Variants in PPP6R3 observed in about 807,000 individuals in gnomAD.
PPP6R3 encodes serine/threonine-protein phosphatase 6 regulatory subunit 3.
A neutral mutation model predicts 110.7 loss-of-function variants in PPP6R3; 38 were observed. The ratio of observed to expected loss-of-function variants is 0.34; its 90% CI spans 0.26 to 0.45. The LOEUF is 0.45. Among genes scored for constraint, PPP6R3 ranks in the 20% least tolerant of loss-of-function variants. PPP6R3 has a pLI of 1.00. For missense variants in PPP6R3, 870 were observed against 1,062.4 expected (o/e 0.82, Z 2.52); for synonymous variants, 369 against 373.5 (o/e 0.99, Z 0.14).
At chr11:68,552,583 A>G (rs539764729) in intron 6 of PPP6R3, among the ~76,000 whole-genome samples, 1 of 152,252 alleles carries the variant, frequency 6.6e-6, no homozygotes, top group Non-Finnish European at 1.5e-5. Context: ...GGTGCTCTCA[A>G]CCTAGCTGGG....
chr11:68,493,090 C>T (rs576732555), intron 1 of PPP6R3, among the ~76,000 whole-genome samples: 24 of 152,190 alleles, frequency 1.6e-4, no homozygotes, highest in Admixed American at 4.6e-4. Context: ...TGTTGAGTTC[C>T]GGTGCTTACT....
At chr11:68,583,426 C>CCTTT (rs2099568898) in intron 15 of PPP6R3, among the ~76,000 whole-genome samples, 1 of 152,166 alleles carries the variant, frequency 6.6e-6, no homozygotes, top group Non-Finnish European at 1.5e-5. Flanking sequence ...GTTACACAGA[C>CCTTT]CTTTACAATA....
chr11:68,527,625 G>GT (rs1555108759), intron 2 of PPP6R3, among the ~76,000 whole-genome samples: 1 of 782 alleles, frequency 1.3e-3, no homozygotes, highest in Non-Finnish European at 5.0e-3. Flanking sequence ...GTTCAGAATT[G>GT]TTCTATGTTA....
intron 1 of PPP6R3, among the ~76,000 whole-genome samples, chr11:68,476,321 G>C (rs1015316026): frequency 3.3e-5 from 5 of 152,168 alleles, no homozygotes; most frequent in African/African-American, 1.2e-4. Context: ...AAACCAGTCA[G>C]GCGTGGCGGC....
rs768228824 is a variant in PPP6R3 at position 68,544,879 on chromosome 11, C to G, written c.269C>G (p.Ser90Cys). The G allele has an allele frequency of 1.6e-5, 25 of 1,608,288 alleles. No individual in the cohort carries two copies. The highest frequency in any genetic ancestry group is 2.0e-5 in the Non-Finnish European group (23 of 1,174,816). Residue 90 changes from serine (S) to cysteine (C), a missense_variant, in exon 4 of 24, where the codon TCC (serine) becomes TGC (cysteine). Physicochemically the swap from Ser to Cys is moderately radical, Grantham distance 112. Transcript: ENST00000393800. ...ISCELLTSDV[S>C]QMNDRLGEDE... ...TGTGAGTTGCTCACTTCTGATGTCTCCCAGATGAATGATAGACTGGGAGAA... is the reference window on the plus strand; with the variant it reads ...TGTGAGTTGCTCACTTCTGATGTCTGCCAGATGAATGATAGACTGGGAGAA...
rs111457206 is a variant in PPP6R3 at position 68,511,463 on chromosome 11, A to AGTGTGTGTGTGTGTGTGTGTGTGTGTGT, written c.-157-8033_-157-8006dup. On this transcript the variant is annotated intron_variant, in intron 1 of 23. Transcript: ENST00000393800. Reference sequence around the variant, plus strand: ...CTCTGGAAATGTGTTACTGTGTTAGAGTGTGTGTGTGTGTGTGTGTGTGTG... The same window carrying AGTGTGTGTGTGTGTGTGTGTGTGTGTGT: ...CTCTGGAAATGTGTTACTGTGTTAGAGTGTGTGTGTGTGTGTGTGTGTGTGTGTGTGTGTGTGTGTGTGTGTGTGTGTG... Among the ~76,000 whole-genome samples the AGTGTGTGTGTGTGTGTGTGTGTGTGTGT allele has an allele frequency of 2.0e-3, 271 of 138,596 alleles. 2 individuals carry two copies. Among genetic ancestry groups the AGTGTGTGTGTGTGTGTGTGTGTGTGTGT allele is most frequent in the East Asian group, 4.1e-3 (19 of 4,622 alleles). The allele number at this position is 138,596 out of a possible 152,430, so 90.9% of individuals were successfully genotyped here.
intron 7 of PPP6R3, among the ~76,000 whole-genome samples, chr11:68,558,002 T>C (rs2099406006): frequency 6.6e-6 from 1 of 152,260 alleles, no homozygotes; most frequent in African/African-American, 2.4e-5. Flanking sequence ...TTTAGTCACA[T>C]TTATTTCATT....
At chr11:68,510,406 A>G (rs758489518) in intron 1 of PPP6R3, among the ~76,000 whole-genome samples, 1 of 151,798 alleles carries the variant, frequency 6.6e-6, no homozygotes, top group Non-Finnish European at 1.5e-5. Flanking sequence ...GGCGCGACAC[A>G]GTTTACCGTA....
At chr11:68,589,360 T>G (rs572216130) in intron 16 of PPP6R3, among the ~76,000 whole-genome samples, 1 of 152,168 alleles carries the variant, frequency 6.6e-6, no homozygotes, top group African/African-American at 2.4e-5. Context: ...AAGGTAGATT[T>G]GGGTTTTTTG....
intron 1 of PPP6R3, among the ~76,000 whole-genome samples, chr11:68,468,608 A>G (rs1425351747): frequency 2.0e-5 from 3 of 152,388 alleles, no homozygotes; most frequent in East Asian, 1.9e-4. Context: ...TTATAGGATC[A>G]TAGAGAGGCC....
intron 15 of PPP6R3, among the ~76,000 whole-genome samples, chr11:68,583,431 A>G (rs977682182): frequency 6.6e-6 from 1 of 152,240 alleles, no homozygotes; most frequent in Non-Finnish European, 1.5e-5. Flanking sequence ...ACAGACCTTT[A>G]CAATAGTTGA....
At chr11:68,554,746 G>T (rs938695739) in intron 7 of PPP6R3, among the ~76,000 whole-genome samples, 1 of 152,100 alleles carries the variant, frequency 6.6e-6, no homozygotes, top group Non-Finnish European at 1.5e-5. Context: ...TTTTTAAAAA[G>T]AATGTTTACT....
intron 4 of PPP6R3, among the ~76,000 whole-genome samples, chr11:68,547,346 A>G (rs1251513249): frequency 6.6e-6 from 1 of 152,126 alleles, no homozygotes; most frequent in African/African-American, 2.4e-5. Context: ...TTGGGAATAG[A>G]TGACACGTGC....
chr11:68,610,535 A>G (rs2153975371), intron 23 of PPP6R3, among the ~76,000 whole-genome samples: 1 of 152,360 alleles, frequency 6.6e-6, no homozygotes, highest in South Asian at 2.1e-4. Context: ...AATCTTAAGT[A>G]TGAAATGCCC....
chr11:68,545,273 G>A (rs932848418), intron 4 of PPP6R3, among the ~76,000 whole-genome samples: 1 of 152,210 alleles, frequency 6.6e-6, no homozygotes, highest in Non-Finnish European at 1.5e-5. Flanking sequence ...TGAGAAGTGG[G>A]TAGAAGATGA....
At chr11:68,549,430 T>G (rs1457323185) in intron 5 of PPP6R3, among the ~76,000 whole-genome samples, 1 of 151,960 alleles carries the variant, frequency 6.6e-6, no homozygotes, top group Non-Finnish European at 1.5e-5. Context: ...AGGTGTGCAT[T>G]TATGTGATGG....
At chr11:68,609,836 C>G in intron 22 of PPP6R3, 68 bp from the exon 23 acceptor site, 1 of 1,605,460 alleles carries the variant, frequency 6.2e-7, no homozygotes, top group Non-Finnish European at 8.5e-7. Context: ...TGCATGTGAC[C>G]TCATCCTCTG....
intron 2 of PPP6R3, among the ~76,000 whole-genome samples, chr11:68,530,796 T>C (rs2099234517): frequency 6.6e-6 from 1 of 152,248 alleles, no homozygotes; most frequent in Non-Finnish European, 1.5e-5. Context: ...GGTACAGTTA[T>C]TTCGCAGTTG....
intron 17 of PPP6R3, 79 bp downstream of exon 17, chr11:68,590,793 G>GC: frequency 7.1e-7 from 1 of 1,408,382 alleles, no homozygotes; most frequent in Non-Finnish European, 9.5e-7. Flanking sequence ...GATGCCACAT[G>GC]CTGGGACCCC....
Sources: gnomAD v4.1 joint callset for allele counts (sites outside exome capture counted in the v4.1 genomes callset) on GRCh38, gnomAD v4.1.1 for gene constraint, MANE v1.5 for transcripts, NCBI Gene and HGNC (gene_info 2026-07-23, HGNC 2026-07-21) for gene names.